ASXL2: variants seen among roughly 807,000 people sequenced by gnomAD.
ASXL2 encodes putative Polycomb group protein ASXL2.
In ASXL2, 23 loss-of-function variants were observed where a neutral mutation model predicts 122.0. The ratio of observed to expected loss-of-function variants is 0.19; its 90% confidence interval spans 0.14 to 0.27. The LOEUF (loss-of-function observed/expected upper bound fraction) is 0.27, where lower values mean the gene tolerates loss of function less well. ASXL2 is among the 10% of genes least tolerant of loss of function. The pLI, the probability that ASXL2 is intolerant of heterozygous loss-of-function variation, is 1.00. For synonymous variants in ASXL2, 650 were observed against 637.0 expected (o/e 1.02, Z -0.31); for missense variants, 1,518 against 1,713.8 (o/e 0.89, Z 2.02).
At chr2:25,786,806 G>A (rs1278664212) in intron 5 of ASXL2, among the ~76,000 whole-genome samples, 2 of 151,722 alleles carry the variant, frequency 1.3e-5, no homozygotes, top group Non-Finnish European at 1.5e-5. Context: ...AGTGAGCCGA[G>A]ATCACACCAC....
intron 5 of ASXL2, among the ~76,000 whole-genome samples, chr2:25,784,422 A>G (rs1480964681): frequency 2.0e-5 from 3 of 152,236 alleles, no homozygotes; most frequent in Non-Finnish European, 4.4e-5. Context: ...TCATGGGAAT[A>G]TAACATACTG....
chr2:25,794,650 A>G (rs1300229845), intron 5 of ASXL2, among the ~76,000 whole-genome samples: 1 of 152,232 alleles, frequency 6.6e-6, no homozygotes, highest in Non-Finnish European at 1.5e-5. Context: ...AAAGGTATAC[A>G]TATATCAAGA....
At chr2:25,863,771 C>G (rs2089865571) in intron 1 of ASXL2, among the ~76,000 whole-genome samples, 1 of 151,652 alleles carries the variant, frequency 6.6e-6, no homozygotes, top group African/African-American at 2.4e-5. Context: ...TTTGGGAGGC[C>G]AAAGCAAGCA....
At chr2:25,762,265 C>T (rs933140955) in intron 8 of ASXL2, among the ~76,000 whole-genome samples, 25 of 141,098 alleles carry the variant, frequency 1.8e-4, no homozygotes, top group African/African-American at 6.1e-4. Context: ...GCATACCAAA[C>T]TCAGTAGAGA....
At chr2:25,791,517 C>T (rs1248946547) in intron 5 of ASXL2, among the ~76,000 whole-genome samples, 2 of 150,014 alleles carry the variant, frequency 1.3e-5, no homozygotes, top group Admixed American at 1.3e-4. Flanking sequence ...CTTTGTACAA[C>T]AAATATCTTG....
intron 12 of ASXL2, among the ~76,000 whole-genome samples, chr2:25,747,548 C>T (rs990158325): frequency 6.6e-6 from 1 of 152,092 alleles, no homozygotes. Flanking sequence ...TTAACTTGGT[C>T]ACAGTGGATT....
rs1000139273 is a variant in ASXL2 at position 25,783,561 on chromosome 2, CT to C, written c.404-12022del. Among the ~76,000 whole-genome samples the C allele has an allele frequency of 6.3e-4, 95 of 151,590 alleles. 1 individual carries two copies. Among genetic ancestry groups the C allele is most frequent in the African/African-American group, 2.2e-3 (91 of 41,346 alleles). On this transcript the variant is annotated intron_variant, in intron 5 of 12. Transcript: ENST00000435504. ...CTATCTATTAGTTTACTTTATTATT[CT>C]TTTTTTTCTAATTTTTAGAGTAGTT...
chr2:25,791,570 A>G (rs909945409), intron 5 of ASXL2, among the ~76,000 whole-genome samples: 1 of 151,486 alleles, frequency 6.6e-6, no homozygotes, highest in Non-Finnish European at 1.5e-5. Context: ...TATGATCCAA[A>G]TTTCTTTCCC....
intron 12 of ASXL2, among the ~76,000 whole-genome samples, chr2:25,746,714 G>T (rs1441421234): frequency 6.6e-6 from 1 of 151,986 alleles, no homozygotes; most frequent in African/African-American, 2.4e-5. Context: ...AAAATGAAAG[G>T]TTTCGATACC....
chr2:25,816,158 C>G (rs1275655147), intron 3 of ASXL2, among the ~76,000 whole-genome samples: 2 of 151,516 alleles, frequency 1.3e-5, no homozygotes, highest in African/African-American at 4.9e-5. Context: ...CCAAGGTGAG[C>G]TGATCACTTG....
rs191409351 is a variant in ASXL2, at chr2:25,758,375, T to A, written c.939+1107A>T. Among the ~76,000 whole-genome samples the A allele has an allele frequency of 1.6e-4, 25 of 152,330 alleles. No individual in the cohort carries two copies. In the East Asian group the frequency reaches 4.8e-3, roughly 29 times the overall value. On this transcript the variant is annotated intron_variant, in intron 9 of 12. Coordinates refer to ENST00000435504, the MANE Select transcript of ASXL2 (RefSeq NM_018263.6). Reference sequence around the variant, plus strand: ...AACTAAGGAAAACATCTCCCTCTCATCATTTTAATAAACATTCTTAAAAGT... The same window carrying A: ...AACTAAGGAAAACATCTCCCTCTCAACATTTTAATAAACATTCTTAAAAGT...
intron 1 of ASXL2, among the ~76,000 whole-genome samples, chr2:25,863,476 A>AG (rs996602763): frequency 6.6e-6 from 1 of 150,902 alleles, no homozygotes; most frequent in Non-Finnish European, 1.5e-5. Context: ...GTAGATCATG[A>AG]GGTCAGCAGA....
intron 3 of ASXL2, among the ~76,000 whole-genome samples, chr2:25,817,324 C>T (rs1006328594): frequency 7.2e-5 from 11 of 152,126 alleles, no homozygotes; most frequent in African/African-American, 2.7e-4. Flanking sequence ...CTTTTTTCAA[C>T]TTTCATTTTT....
intron 3 of ASXL2, among the ~76,000 whole-genome samples, chr2:25,819,091 C>T (rs574003203): frequency 6.6e-5 from 10 of 152,204 alleles, no homozygotes; most frequent in African/African-American, 1.7e-4. Context: ...AATCTGATAA[C>T]CCACAAGGAT....
intron 2 of ASXL2, among the ~76,000 whole-genome samples, chr2:25,842,105 T>A: frequency 7.1e-6 from 1 of 140,294 alleles, no homozygotes; most frequent in Non-Finnish European, 1.5e-5. Flanking sequence ...AGAGCAAAAC[T>A]CTGTCTCAAA....
chr2:25,877,596 A>G (rs888251241), intron 1 of ASXL2, among the ~76,000 whole-genome samples: 1 of 152,130 alleles, frequency 6.6e-6, no homozygotes, highest in Non-Finnish European at 1.5e-5. Flanking sequence ...CTTCGTTTCT[A>G]AACACCTCCT....
intron 5 of ASXL2, among the ~76,000 whole-genome samples, chr2:25,774,172 G>A (rs1186437951): frequency 6.6e-6 from 1 of 151,930 alleles, no homozygotes; most frequent in African/African-American, 2.4e-5. Flanking sequence ...CTTATTTCCT[G>A]GGTGACAAAG....
intron 12 of ASXL2, among the ~76,000 whole-genome samples, chr2:25,748,184 C>A (rs977599207): frequency 4.8e-5 from 7 of 146,860 alleles, no homozygotes; most frequent in Non-Finnish European, 7.5e-5. Context: ...TCTTGGGGGG[C>A]AAAAAACAAG....
At chr2:25,842,779 TGTG>T in intron 2 of ASXL2, among the ~76,000 whole-genome samples, 2 of 125,232 alleles carry the variant, frequency 1.6e-5, no homozygotes, top group East Asian at 4.0e-4. Context: ...CGTGTGTGTG[TGTG>T]TGTGTGTGTG....
Sources: gnomAD v4.1 joint callset for allele counts (sites outside exome capture counted in the v4.1 genomes callset) on GRCh38, gnomAD v4.1.1 for gene constraint, MANE v1.5 for transcripts, NCBI Gene and HGNC (gene_info 2026-07-23, HGNC 2026-07-21) for gene names.